MAPKAPK5: variants seen among roughly 807,000 people sequenced by gnomAD.
MAPKAPK5 encodes MAPK activated protein kinase 5, also known as MAP kinase-activated protein kinase 5.
MAPKAPK5 carries 30 observed loss-of-function variants against 65.1 expected under a neutral mutation model. The observed-to-expected ratio is 0.46, with a 90% CI of 0.34 to 0.63. The LOEUF (loss-of-function observed/expected upper bound fraction) is 0.63. Ranked by LOEUF, MAPKAPK5 falls within the 20% of genes least tolerant of loss-of-function variation. MAPKAPK5 has a pLI of 0.01. For missense variants in MAPKAPK5, 433 were observed against 581.4 expected (o/e 0.74, Z 2.63); for synonymous variants, 179 against 204.6 (o/e 0.87, Z 1.07).
chr12:111,855,605 G>A, intron 1 of MAPKAPK5, among the ~76,000 whole-genome samples: 1 of 152,050 alleles, frequency 6.6e-6, no homozygotes, highest in East Asian at 1.9e-4. Context: ...AAGGCAGGCG[G>A]ATCACGAGGT....
rs764680050 is a variant in MAPKAPK5 at position 111,901,946 on chromosome 12, A to G, written c.*8885A>G. 1.3e-5 allele frequency: 2 copies of G among 152,828 alleles called. No homozygotes were observed. The highest frequency in any genetic ancestry group is 2.9e-5 in the Non-Finnish European group (2 of 68,544). 9.5% of individuals were successfully genotyped at this position (152,828 alleles called of 1,614,324 possible). A position where few individuals can be genotyped will look rare whatever the true frequency, so the allele number is the denominator to read the frequency against. ...CATTTCATTTGAACCATTAACATGC[A>G]TCTTTGGACATCAATGTCCTTGTCT... On this transcript the variant is annotated 3_prime_UTR_variant, in exon 14 of 14. Coordinates refer to ENST00000550735, the MANE Select transcript of MAPKAPK5 (RefSeq NM_003668.4).
In MAPKAPK5 at chr12:111,868,927, G is replaced by A. The variant is rs1006867825; in HGVS notation, c.393+66G>A. On this transcript the variant is annotated intron_variant, in intron 5 of 13. Transcript: ENST00000550735. The stretch of plus-strand genomic sequence containing the variant: ...TGGTTAACAAGCACAATTTCATTGG[G>A]GGGAAGAAAAGAAAACTTAAAGAAA... The A allele has an allele frequency of 8.2e-6, 10 of 1,212,254 alleles. No individual in the cohort carries two copies. The African/African-American group carries it at 9.3e-5, about 11-fold the overall frequency. 75.1% of individuals were successfully genotyped at this position (1,212,254 alleles called of 1,614,324 possible).
At chr12:111,886,157 C>A in intron 10 of MAPKAPK5, 121 bp downstream of exon 10, 2 of 1,383,996 alleles carry the variant, frequency 1.4e-6, no homozygotes, top group Non-Finnish European at 2.0e-6. Context: ...CCCAGAGAAA[C>A]ATCTCTGGTT....
At chr12:111,878,347 G>A (rs2070067589) in intron 7 of MAPKAPK5, among the ~76,000 whole-genome samples, 1 of 151,950 alleles carries the variant, frequency 6.6e-6, no homozygotes, top group Admixed American at 6.6e-5. Context: ...ATGGATCCAA[G>A]TTCACTTATT....
chr12:111,866,229 G>C lies in MAPKAPK5; in HGVS notation c.184G>C (p.Glu62Gln), dbSNP rs1387837173. 8 of 1,610,146 alleles carry C rather than the reference G, an allele frequency of 5.0e-6. No homozygotes were observed. Among genetic ancestry groups the C allele is most frequent in the Non-Finnish European group, 6.8e-6 (8 of 1,178,172 alleles). Residue 62 changes from glutamate to glutamine, a missense_variant and splice_region_variant, in exon 3 of 14, where the codon GAG (glutamate) becomes CAG (glutamine). Glu to Gln is a conservative substitution (Grantham distance 29). Around this residue, in one of 3 missense-constraint regions of MAPKAPK5, gnomAD observed 165 missense variants for 180.0 expected, o/e 0.92. Coordinates refer to ENST00000550735, the MANE Select transcript of MAPKAPK5 (RefSeq NM_003668.4). The part of the protein sequence containing the change: ...ILLDRPKARN[E>Q]VRLHMMCATH... ...TCTTGATCGTCCAAAAGCTAGAAAT[G>C]AGGTATGCTTTATTGCCTCGACTTA...
chr12:111,897,222 G>A lies in MAPKAPK5; in HGVS notation c.*4161G>A, dbSNP rs1401514342. 1 of 152,348 alleles carries A rather than the reference G, an allele frequency of 6.6e-6. No homozygotes were observed. Among genetic ancestry groups the A allele is most frequent in the East Asian group, 1.9e-4 (1 of 5,184 alleles). The allele number at this position is 152,348 out of a possible 1,614,324, so 9.4% of individuals were successfully genotyped here. A position where few individuals can be genotyped will look rare whatever the true frequency, so the allele number is the denominator to read the frequency against. ...CAATCCTCCTGCCTCAGCCTTCTAAGTAGCTGGGACTACAGGAGCAAACCA... is the reference window on the plus strand; with the variant it reads ...CAATCCTCCTGCCTCAGCCTTCTAAATAGCTGGGACTACAGGAGCAAACCA... On this transcript the variant is annotated 3_prime_UTR_variant, in exon 14 of 14. Coordinates refer to ENST00000550735, the MANE Select transcript of MAPKAPK5 (RefSeq NM_003668.4).
intron 7 of MAPKAPK5, among the ~76,000 whole-genome samples, chr12:111,875,906 G>C (rs2069946160): frequency 6.6e-6 from 1 of 151,828 alleles, no homozygotes; most frequent in Non-Finnish European, 1.5e-5. Context: ...ATCTTTGATG[G>C]GTTCAAAAAA....
At position 111,900,432 on chromosome 12, in the gene MAPKAPK5, C is replaced by T. The variant is rs2060480929; in HGVS notation, c.*7371C>T. The T allele has an allele frequency of 2.2e-6, 1 of 455,932 alleles. No homozygotes were observed. Among genetic ancestry groups the T allele is most frequent in the Admixed American group, 2.3e-5 (1 of 42,554 alleles). The allele number at this position is 455,932 out of a possible 1,614,324, so 28.2% of individuals were successfully genotyped here. ...CTTTTGTAAAGATAAGCACTTTTGC[C>T]TCATGCATGAAAATATCACAAAAGA... On this transcript the variant is annotated 3_prime_UTR_variant, in exon 14 of 14. Transcript: ENST00000550735.
At chr12:111,871,019 C>A in intron 6 of MAPKAPK5, 66 bp from the exon 7 acceptor site, 1 of 1,218,308 alleles carries the variant, frequency 8.2e-7, no homozygotes, top group Non-Finnish European at 1.2e-6. Flanking sequence ...ATGTCTTACA[C>A]CTGGATTTTC....
chr12:111,881,808 A>G (rs977917950), intron 8 of MAPKAPK5, among the ~76,000 whole-genome samples: 1 of 152,204 alleles, frequency 6.6e-6, no homozygotes, highest in African/African-American at 2.4e-5. Context: ...TGGGGACTTG[A>G]GGCTAGATAT....
intron 10 of MAPKAPK5, 83 bp from the exon 11 acceptor site, chr12:111,888,404 AG>A: frequency 6.5e-7 from 1 of 1,549,602 alleles, no homozygotes; most frequent in Non-Finnish European, 8.7e-7. Context: ...TAGTACTTTG[AG>A]CTTTTCCTTT....
intron 8 of MAPKAPK5, among the ~76,000 whole-genome samples, chr12:111,881,420 T>TTTTTTTTTTTTTTTTTTTTTC (rs2070219541): frequency 6.8e-6 from 1 of 146,408 alleles, no homozygotes; most frequent in Non-Finnish European, 1.5e-5. Context: ...TTTTTTTTTT[T>TTTTTTTTTTTTTTTTTTTTTC]TTGAGACAGA....
At chr12:111,890,975 T>C (rs548835422) in intron 13 of MAPKAPK5, among the ~76,000 whole-genome samples, 124 of 152,214 alleles carry the variant, frequency 8.1e-4, no homozygotes, top group African/African-American at 3.0e-3. Context: ...GATTTTAATA[T>C]TGTCTTTCCA....
chr12:111,868,761 T>C lies in MAPKAPK5; in HGVS notation c.293T>C (p.Leu98Pro). ...FPHESSPRAR[L>P]LIVMEMMEGG... Reference sequence around the variant, plus strand: ...CAAATGCTTTCAAACAGGGCCCGACTCTTAATTGTAATGGAGATGATGGAA... The same window carrying C: ...CAAATGCTTTCAAACAGGGCCCGACCCTTAATTGTAATGGAGATGATGGAA... Residue 98 changes from leucine to proline, a missense_variant, in exon 5 of 14, where the codon CTC becomes CCC. Leu to Pro is a moderately conservative substitution (Grantham distance 98). Transcript: ENST00000550735. The C allele has an allele frequency of 6.4e-7, 1 of 1,556,408 alleles. No individual in the cohort carries two copies. The highest frequency in any genetic ancestry group is 8.7e-7 in the Non-Finnish European group (1 of 1,149,630).
chr12:111,880,360 C>A, intron 7 of MAPKAPK5, 87 bp from the exon 8 acceptor site: 1 of 1,077,318 alleles, frequency 9.3e-7, no homozygotes, highest in Non-Finnish European at 1.4e-6. Context: ...TGTTTACCTC[C>A]TTCAGTCTCA....
chr12:111,861,543 G>A (rs903098927), intron 1 of MAPKAPK5, among the ~76,000 whole-genome samples: 1 of 152,012 alleles, frequency 6.6e-6, no homozygotes, highest in Non-Finnish European at 1.5e-5. Context: ...GGTCAGGCTG[G>A]TCTCGAACTC....
intron 1 of MAPKAPK5, among the ~76,000 whole-genome samples, chr12:111,861,299 G>A (rs1023027676): frequency 6.6e-6 from 1 of 151,664 alleles, no homozygotes; most frequent in Non-Finnish European, 1.5e-5. Context: ...TCCCCTTTGT[G>A]TCAGGTAGTT....
At chr12:111,881,749 A>G (rs2070239817) in intron 8 of MAPKAPK5, among the ~76,000 whole-genome samples, 1 of 152,192 alleles carries the variant, frequency 6.6e-6, no homozygotes, top group Non-Finnish European at 1.5e-5. Context: ...GGCCTCTAGA[A>G]ATAGGCCCTG....
Position 111,894,759 on chromosome 12 carries a change from C to CAT in MAPKAPK5, c.*1698_*1699insAT. ...TGGGTTTCCATAACAAACCAATTTT[C>CAT]GTGTATATGTGTGTGTGTGTGTGTG... is the stretch of plus-strand genomic sequence containing the variant. On this transcript the variant is annotated 3_prime_UTR_variant, in exon 14 of 14. Transcript: ENST00000550735. The CAT allele has an allele frequency of 7.9e-6, 1 of 127,168 alleles. No homozygotes were observed. Among genetic ancestry groups the CAT allele is most frequent in the Non-Finnish European group, 1.5e-5 (1 of 66,402 alleles). The allele number at this position is 127,168 out of a possible 1,614,324, so 7.9% of individuals were successfully genotyped here. A position where few individuals can be genotyped will look rare whatever the true frequency, so the allele number is the denominator to read the frequency against.
Sources: allele counts gnomAD v4.1 joint callset (sites outside exome capture counted in the v4.1 genomes callset), GRCh38; gene constraint gnomAD v4.1.1; regional missense constraint gnomAD v4.1.1; transcripts MANE v1.5; gene names NCBI Gene and HGNC (gene_info 2026-07-23, HGNC 2026-07-21).